GRID2: variants seen among roughly 807,000 people sequenced by gnomAD.
GRID2 encodes the protein glutamate receptor ionotropic, delta-2.
In GRID2, 33 loss-of-function variants were observed where a neutral mutation model predicts 114.8. The ratio of observed to expected loss-of-function variants is 0.29; its 90% CI spans 0.22 to 0.38. The LOEUF is 0.38. Ranked by LOEUF, GRID2 falls within the 10% of genes least tolerant of loss-of-function variation. The pLI is 1.00. For synonymous variants in GRID2, 505 were observed against 449.9 expected, an observed-to-expected ratio of 1.12 and a Z score of -1.55; for missense variants, 1,184 against 1,257.7, an observed-to-expected ratio of 0.94 and a Z score of 0.89.
rs540297218 is a variant in GRID2, at chr4:93,210,165, T to C, written c.789+2708T>C. Among the ~76,000 whole-genome samples, 7 of 152,088 alleles carry C rather than the reference T, an allele frequency of 4.6e-5. No homozygotes were observed. In the South Asian group the frequency reaches 1.2e-3, roughly 27 times the overall value. ...TGCTTTTGTCATCTTTGTCATGAAA[T>C]ATTTGCCCATTTATATGTCTAGGTT... is the stretch of plus-strand genomic sequence containing the variant. On this transcript the variant is annotated intron_variant, in intron 5 of 15. Transcript: ENST00000282020.
At chr4:93,147,035 A>G (rs1204850839) in intron 4 of GRID2, among the ~76,000 whole-genome samples, 1 of 152,192 alleles carries the variant, frequency 6.6e-6, no homozygotes, top group Non-Finnish European at 1.5e-5. Context: ...GTATTCCGTA[A>G]AGGTCTATGC....
chr4:93,233,716 A>G (rs1427716831), intron 7 of GRID2, among the ~76,000 whole-genome samples: 2 of 152,148 alleles, frequency 1.3e-5, no homozygotes, highest in Admixed American at 6.6e-5. Context: ...GAATTCTGCA[A>G]CTGCCATTGA....
intron 10 of GRID2, among the ~76,000 whole-genome samples, chr4:93,426,967 T>C (rs74545872): frequency 6.6e-6 from 1 of 151,894 alleles, no homozygotes; most frequent in Admixed American, 6.6e-5. Flanking sequence ...AAAGACTTAG[T>C]TGGAGTAGAT....
chr4:92,659,395 T>C (rs751363461), intron 2 of GRID2, among the ~76,000 whole-genome samples: 1 of 151,464 alleles, frequency 6.6e-6, no homozygotes, highest in Non-Finnish European at 1.5e-5. Context: ...CCTCATGTAG[T>C]AGCAATTACA....
chr4:93,041,693 A>G (rs911852359), intron 2 of GRID2, among the ~76,000 whole-genome samples: 7 of 152,228 alleles, frequency 4.6e-5, no homozygotes, highest in Admixed American at 2.6e-4. Flanking sequence ...TTTAATAAAA[A>G]CTGCTATTGT....
intron 14 of GRID2, among the ~76,000 whole-genome samples, chr4:93,681,199 T>C (rs1421733915): frequency 1.3e-5 from 2 of 151,042 alleles, no homozygotes; most frequent in African/African-American, 2.5e-5. Context: ...GAGAATAAAA[T>C]ACCTAGGAAT....
At chr4:93,223,038 A>G (rs2149490672) in intron 6 of GRID2, among the ~76,000 whole-genome samples, 1 of 152,280 alleles carries the variant, frequency 6.6e-6, no homozygotes, top group South Asian at 2.1e-4. Flanking sequence ...GGGTTAGGAA[A>G]GGCCAGAAGG....
chr4:93,375,215 T>TA (rs1418285253), intron 8 of GRID2, among the ~76,000 whole-genome samples: 45 of 101,728 alleles, frequency 4.4e-4, no homozygotes, highest in Non-Finnish European at 7.3e-5. Flanking sequence ...TTTTTTTCCC[T>TA]TTTTTTTTTT....
At chr4:93,267,997 A>G (rs906995872) in intron 8 of GRID2, among the ~76,000 whole-genome samples, 3 of 152,134 alleles carry the variant, frequency 2.0e-5, no homozygotes, top group East Asian at 1.9e-4. Context: ...TTGCCTGGCT[A>G]TCTGGTGGGA....
chr4:93,359,830 G>A (rs1579811657), intron 8 of GRID2, among the ~76,000 whole-genome samples: 1 of 115,004 alleles, frequency 8.7e-6, no homozygotes, highest in African/African-American at 3.3e-5. Flanking sequence ...GTAATGGGAA[G>A]GCAGTAGGCA....
intron 1 of GRID2, among the ~76,000 whole-genome samples, chr4:92,374,542 A>T (rs952010046): frequency 2.6e-5 from 4 of 152,138 alleles, no homozygotes; most frequent in African/African-American, 9.7e-5. Flanking sequence ...GGGCTGTGTC[A>T]TGGGCCGTGG....
intron 2 of GRID2, among the ~76,000 whole-genome samples, chr4:92,712,520 A>G (rs1735307130): frequency 6.6e-6 from 1 of 152,142 alleles, no homozygotes. Context: ...TTATAGCGAA[A>G]TTCCAGTAGA....
intron 1 of GRID2, among the ~76,000 whole-genome samples, chr4:92,435,588 T>A (rs1486018439): frequency 2.6e-5 from 4 of 152,190 alleles, no homozygotes; most frequent in African/African-American, 9.6e-5. Context: ...CGATGACTGA[T>A]TGAAGGTGCT....
At position 92,753,020 on chromosome 4, in the gene GRID2, G is replaced by C. The variant is rs536630692; in HGVS notation, c.244+162734G>C. Among the ~76,000 whole-genome samples the C allele has an allele frequency of 1.6e-4, 25 of 152,132 alleles. No individual in the cohort carries two copies. In the East Asian group the frequency reaches 4.8e-3, roughly 29 times the overall value. On this transcript the variant is annotated intron_variant, in intron 2 of 15. Coordinates refer to ENST00000282020, the MANE Select transcript of GRID2 (RefSeq NM_001510.4). ...AGAAGGTACATATTAAGTGAAGAGAGGACAAATGAATGAATATTCATAGCA... is the reference window on the plus strand; with the variant it reads ...AGAAGGTACATATTAAGTGAAGAGACGACAAATGAATGAATATTCATAGCA...
chr4:92,738,832 A>G (rs1418116600), intron 2 of GRID2, among the ~76,000 whole-genome samples: 1 of 152,044 alleles, frequency 6.6e-6, no homozygotes, highest in Non-Finnish European at 1.5e-5. Context: ...TTAAAAATTA[A>G]TTTTTAATAT....
chr4:92,924,045 T>C (rs1427457131), intron 2 of GRID2, among the ~76,000 whole-genome samples: 1 of 152,160 alleles, frequency 6.6e-6, no homozygotes, highest in Non-Finnish European at 1.5e-5. Flanking sequence ...GTGGCACATA[T>C]ACACCATGGA....
intron 2 of GRID2, among the ~76,000 whole-genome samples, chr4:92,726,977 T>A (rs1163114771): frequency 1.3e-5 from 2 of 152,080 alleles, no homozygotes; most frequent in Non-Finnish European, 2.9e-5. Flanking sequence ...GAAATTAGCA[T>A]CACCTTTGGT....
chr4:92,871,792 T>C (rs1745299128), intron 2 of GRID2, among the ~76,000 whole-genome samples: 1 of 152,206 alleles, frequency 6.6e-6, no homozygotes, highest in Non-Finnish European at 1.5e-5. Flanking sequence ...GGCTCCATAC[T>C]GTGAAAGACA....
chr4:93,085,017 C>T lies in GRID2; in HGVS notation c.267C>T (p.Gly89=). The change falls in exon 3 of 16, where the codon GGC becomes GGT. Residue 89 remains glycine (G), a synonymous_variant. Coordinates refer to ENST00000282020, the MANE Select transcript of GRID2 (RefSeq NM_001510.4). ...CAGCCTGTGAACTTATGAATCAAGGCATCTTGGCCCTGGTCAGCTCCATTG... is the reference window on the plus strand; with the variant it reads ...CAGCCTGTGAACTTATGAATCAAGGTATCTTGGCCCTGGTCAGCTCCATTG... ...VQEACELMNQ[G]ILALVSSIGC... 2 of 1,613,856 alleles carry T rather than the reference C, an allele frequency of 1.2e-6. No individual in the cohort carries two copies. Among genetic ancestry groups the T allele is most frequent in the Non-Finnish European group, 1.7e-6 (2 of 1,179,760 alleles).
Sources: gnomAD v4.1 joint callset for allele counts (sites outside exome capture counted in the v4.1 genomes callset) on GRCh38, gnomAD v4.1.1 for gene constraint, MANE v1.5 for transcripts, NCBI Gene and HGNC (gene_info 2026-07-23, HGNC 2026-07-21) for gene names.